BCAS3: variants seen among roughly 807,000 people sequenced by gnomAD.
The protein encoded by BCAS3 is BCAS3 microtubule associated cell migration factor.
A neutral mutation model predicts 116.1 loss-of-function variants in BCAS3; 53 were observed. The observed-to-expected ratio is 0.46, with a 90% confidence interval of 0.37 to 0.57. The LOEUF (loss-of-function observed/expected upper bound fraction) is 0.57, where lower values mean the gene tolerates loss of function less well. BCAS3 is among the 20% of genes least tolerant of loss of function. The pLI, the probability that BCAS3 is intolerant of heterozygous loss-of-function variation, is 0.00. For missense variants in BCAS3, 917 were observed against 1,165.4 expected (o/e 0.79, Z 3.10); for synonymous variants, 391 against 408.2 (o/e 0.96, Z 0.51).
intron 22 of BCAS3, among the ~76,000 whole-genome samples, chr17:61,159,867 A>G (rs977461680): frequency 8.5e-5 from 13 of 152,326 alleles, no homozygotes; most frequent in African/African-American, 2.9e-4. Flanking sequence ...CCTAGAACAG[A>G]TAAGTTGTGT....
intron 5 of BCAS3, among the ~76,000 whole-genome samples, chr17:60,710,921 G>A (rs2037837798): frequency 6.6e-6 from 1 of 151,162 alleles, no homozygotes; most frequent in South Asian, 2.1e-4. Context: ...TCCCACATCA[G>A]CCTCTGGAGT....
chr17:61,327,459 G>A lies in BCAS3; in HGVS notation c.2426-40868G>A, dbSNP rs1347266741. On this transcript the variant is annotated intron_variant, in intron 22 of 23. Transcript: ENST00000407086. The surrounding 1 kb of genome is among the most constrained non-coding windows in gnomAD (Gnocchi z 5.9). ...TGTAATGAGACTATATTGAGGGTTA[G>A]ATAACAGGCAAGTATGTGGAGATGA... Among the ~76,000 whole-genome samples, 1 of 152,028 alleles carries A rather than the reference G, an allele frequency of 6.6e-6. No homozygotes were observed. The highest frequency in any genetic ancestry group is 1.5e-5 in the Non-Finnish European group (1 of 68,014).
intron 13 of BCAS3, among the ~76,000 whole-genome samples, chr17:60,942,587 T>C (rs2060283553): frequency 6.6e-6 from 1 of 152,212 alleles, no homozygotes; most frequent in African/African-American, 2.4e-5. Context: ...TATTAAATTA[T>C]TTATAATAAA....
intron 13 of BCAS3, among the ~76,000 whole-genome samples, chr17:60,927,281 G>A (rs1338866412): frequency 6.7e-6 from 1 of 149,126 alleles, no homozygotes; most frequent in Non-Finnish European, 1.5e-5. Flanking sequence ...TTTTGAGACA[G>A]GGTCTCGCTC....
In BCAS3 at chr17:61,364,258, T is replaced by C. The variant is rs751182911; in HGVS notation, c.2426-4069T>C. 1.3e-5 allele frequency among the ~76,000 whole-genome samples: 2 copies of C among 152,200 alleles called. No individual in the cohort carries two copies. The highest frequency in any genetic ancestry group is 2.9e-5 in the Non-Finnish European group (2 of 68,046). On this transcript the variant is annotated intron_variant, in intron 22 of 23. Coordinates refer to ENST00000407086, the MANE Select transcript of BCAS3 (RefSeq NM_017679.5). The surrounding 1 kb of genome is among the most constrained non-coding windows in gnomAD (Gnocchi z 5.4). The stretch of plus-strand genomic sequence containing the variant: ...AGAGAACAGACCCACTATCAAATTG[T>C]GTTTCTCCTGTGTGCCATCCCGTAA...
chr17:60,810,510 C>T lies in BCAS3; in HGVS notation c.476+2434C>T. The T allele has an allele frequency of 1.2e-5, 9 of 780,056 alleles. No individual in the cohort carries two copies. The South Asian group carries it at 1.2e-4, about 10-fold the overall frequency. 48.3% of individuals were successfully genotyped at this position (780,056 alleles called of 1,614,324 possible). ...AGCTGGAGAGCAAAACCCAGGAGCA[C>T]CTGGAGAAGAAGGGACCCCAGGTCA... is the stretch of plus-strand genomic sequence containing the variant. On this transcript the variant is annotated intron_variant, in intron 7 of 23. Coordinates refer to ENST00000407086, the MANE Select transcript of BCAS3 (RefSeq NM_017679.5).
At chr17:61,264,082 G>A (rs1365748781) in intron 22 of BCAS3, among the ~76,000 whole-genome samples, 1 of 151,860 alleles carries the variant, frequency 6.6e-6, no homozygotes, top group Non-Finnish European at 1.5e-5. Flanking sequence ...TGTAAAATGG[G>A]GTTAACAAGT....
intron 6 of BCAS3, among the ~76,000 whole-genome samples, chr17:60,775,657 G>A (rs1346220910): frequency 6.6e-6 from 1 of 151,742 alleles, no homozygotes; most frequent in East Asian, 1.9e-4. Flanking sequence ...TTTATAGTTA[G>A]CAGTAACAAC....
chr17:60,730,476 G>A (rs201467375), intron 5 of BCAS3, among the ~76,000 whole-genome samples: 2 of 151,562 alleles, frequency 1.3e-5, no homozygotes, highest in African/African-American at 4.8e-5. Flanking sequence ...TTTATGGCTT[G>A]CATTTTTTTT....
chr17:61,226,577 T>C lies in BCAS3; in HGVS notation c.2426-141750T>C, dbSNP rs1338030546. Among the ~76,000 whole-genome samples, 3 of 152,354 alleles carry C rather than the reference T, an allele frequency of 2.0e-5. No homozygotes were observed. Among genetic ancestry groups the C allele is most frequent in the African/African-American group, 7.2e-5 (3 of 41,588 alleles). On this transcript the variant is annotated intron_variant, in intron 22 of 23. Transcript: ENST00000407086. This position sits in a 1 kb window ranked among gnomAD's most constrained non-coding sequence, Gnocchi z 6.0. ...ACTGCTATGAGCACCCAGTATTTAC[T>C]AGATCTTAGATTTTAAGGGTTAGAA...
intron 22 of BCAS3, among the ~76,000 whole-genome samples, chr17:61,230,362 C>T (rs765460000): frequency 2.6e-5 from 4 of 152,036 alleles, no homozygotes; most frequent in South Asian, 2.1e-4. Context: ...CTTTTAGATA[C>T]GGGGGCACAT....
chr17:60,707,004 T>A (rs538017041), intron 4 of BCAS3, among the ~76,000 whole-genome samples: 77 of 151,874 alleles, frequency 5.1e-4, no homozygotes, highest in Admixed American at 2.8e-3. Context: ...TATTATTATT[T>A]TTTTGAGACA....
rs1401447833 is a variant in BCAS3 at position 61,156,744 on chromosome 17, CA to C, written c.2425+72181del. 1.3e-5 allele frequency among the ~76,000 whole-genome samples: 2 copies of C among 152,020 alleles called. No individual in the cohort carries two copies. Among genetic ancestry groups the C allele is most frequent in the African/African-American group, 4.8e-5 (2 of 41,376 alleles). On this transcript the variant is annotated intron_variant, in intron 22 of 23. Coordinates refer to ENST00000407086, the MANE Select transcript of BCAS3 (RefSeq NM_017679.5). This position sits in a 1 kb window ranked among gnomAD's most constrained non-coding sequence, Gnocchi z 4.7. Reference sequence around the variant, plus strand: ...TAATTGTTTCTATCCTGCTATAAACCATAAGTAACTCCTAAAAAAATTCACA... The same window carrying C: ...TAATTGTTTCTATCCTGCTATAAACCTAAGTAACTCCTAAAAAAATTCACA...
intron 22 of BCAS3, among the ~76,000 whole-genome samples, chr17:61,170,191 CG>C (rs2078756358): frequency 6.6e-6 from 1 of 151,712 alleles, no homozygotes; most frequent in South Asian, 2.1e-4. Flanking sequence ...TTCCACACAT[CG>C]AATTACACAA....
chr17:61,178,807 C>A (rs1050562878), intron 22 of BCAS3, among the ~76,000 whole-genome samples: 1 of 152,044 alleles, frequency 6.6e-6, no homozygotes, highest in Non-Finnish European at 1.5e-5. Context: ...AAATTTAACA[C>A]CCTGGGTGTA....
At position 61,051,635 on chromosome 17, in the gene BCAS3, T is replaced by C. The variant is rs1039840389; in HGVS notation, c.2029+10743T>C. Among the ~76,000 whole-genome samples the C allele has an allele frequency of 2.0e-5, 3 of 152,228 alleles. No individual in the cohort carries two copies. The highest frequency in any genetic ancestry group is 4.4e-5 in the Non-Finnish European group (3 of 68,044). On this transcript the variant is annotated intron_variant, in intron 19 of 23. Coordinates refer to ENST00000407086, the MANE Select transcript of BCAS3 (RefSeq NM_017679.5). The surrounding 1 kb of genome is among the most constrained non-coding windows in gnomAD (Gnocchi z 4.1). ...TTAATGGTGATAGGGTCTTACTCTG[T>C]CACTCAGACTGGAGTGCAGTGTCTT...
At chr17:61,006,214 T>C (rs1431254738) in intron 15 of BCAS3, among the ~76,000 whole-genome samples, 1 of 152,172 alleles carries the variant, frequency 6.6e-6, no homozygotes, top group Non-Finnish European at 1.5e-5. Flanking sequence ...TTCGATTTTA[T>C]ATTAAATTGT....
In BCAS3 at chr17:61,241,493, C is replaced by T. The variant is rs920919512; in HGVS notation, c.2426-126834C>T. Among the ~76,000 whole-genome samples the T allele has an allele frequency of 6.6e-6, 1 of 151,910 alleles. No homozygotes were observed. The highest frequency in any genetic ancestry group is 1.5e-5 in the Non-Finnish European group (1 of 67,982). On this transcript the variant is annotated intron_variant, in intron 22 of 23. Coordinates refer to ENST00000407086, the MANE Select transcript of BCAS3 (RefSeq NM_017679.5). The surrounding 1 kb of genome is among the most constrained non-coding windows in gnomAD (Gnocchi z 4.6). ...TTGGGAGGCCGAGGCAGGCGGATCACGAGGTCAGGAGATCAAGACCATCCT... is the reference window on the plus strand; with the variant it reads ...TTGGGAGGCCGAGGCAGGCGGATCATGAGGTCAGGAGATCAAGACCATCCT...
rs2057534010 is a variant in BCAS3 at position 61,346,932 on chromosome 17, T to G, written c.2426-21395T>G. ...TGCAGAAGGCAGTTCGTCATGTCAC[T>G]TGGTCACTTGGCACCTCTTCTCATG... On this transcript the variant is annotated intron_variant, in intron 22 of 23. Coordinates refer to ENST00000407086, the MANE Select transcript of BCAS3 (RefSeq NM_017679.5). The surrounding 1 kb of genome is among the most constrained non-coding windows in gnomAD (Gnocchi z 5.4). 6.6e-6 allele frequency among the ~76,000 whole-genome samples: 1 copy of G among 152,218 alleles called. No individual in the cohort carries two copies. Among genetic ancestry groups the G allele is most frequent in the Non-Finnish European group, 1.5e-5 (1 of 68,046 alleles).
Sources: allele counts gnomAD v4.1 joint callset (sites outside exome capture counted in the v4.1 genomes callset), GRCh38; gene constraint gnomAD v4.1.1; non-coding constraint Gnocchi (gnomAD v3.1); transcripts MANE v1.5; gene names NCBI Gene and HGNC (gene_info 2026-07-23, HGNC 2026-07-21).